The following HECA variants were observed in gnomAD, a reference collection of about 807,000 sequenced individuals.
HECA encodes HECA ribonucleoprotein granule regulator.
A neutral mutation model predicts 37.6 loss-of-function variants in HECA; 13 were observed. The observed-to-expected ratio is 0.35, with a 90% CI of 0.23 to 0.55. The LOEUF (loss-of-function observed/expected upper bound fraction) is 0.55, where lower values mean the gene tolerates loss of function less well. Among genes scored for constraint, HECA ranks in the 20% least tolerant of loss-of-function variants. The pLI is 0.90. For missense variants in HECA, 527 were observed against 701.9 expected (o/e 0.75, Z 2.82); for synonymous variants, 307 against 291.5 (o/e 1.05, Z -0.54).
In HECA at chr6:139,161,031, A is replaced by G. The variant is rs557771936; in HGVS notation, c.272-5253A>G. On this transcript the variant is annotated intron_variant, in intron 1 of 3. Coordinates refer to ENST00000367658, the MANE Select transcript of HECA (RefSeq NM_016217.3). ...CCCTGCTGCTTTTCCAGTTTGGACA[A>G]TGTGTGTGTGTGGTGTGTGTGTGTC... is the stretch of plus-strand genomic sequence containing the variant. Among the ~76,000 whole-genome samples the G allele has an allele frequency of 6.6e-5, 10 of 151,988 alleles. No homozygotes were observed. In the East Asian group the frequency reaches 1.7e-3, roughly 27 times the overall value.
chr6:139,142,722 C>T (rs182577611), intron 1 of HECA, among the ~76,000 whole-genome samples: 31 of 152,202 alleles, frequency 2.0e-4, no homozygotes, highest in Admixed American at 3.9e-4. Flanking sequence ...CCGAGACGGG[C>T]GGATCATGAG....
At chr6:139,173,111 A>G (rs954776802) in intron 2 of HECA, among the ~76,000 whole-genome samples, 15 of 152,290 alleles carry the variant, frequency 9.8e-5, no homozygotes, top group African/African-American at 2.6e-4. Context: ...ACTTCCTAAC[A>G]TGCCCCGAGG....
At chr6:139,150,571 A>G (rs977007073) in intron 1 of HECA, among the ~76,000 whole-genome samples, 1 of 150,630 alleles carries the variant, frequency 6.6e-6, no homozygotes, top group Non-Finnish European at 1.5e-5. Flanking sequence ...TTTTGGACAT[A>G]TGAGTTAGAA....
rs797002889 is a variant in HECA at position 139,179,138 on chromosome 6, TAATGCACAAAGC to T, written c.*2034_*2045del. ...ACATAGCTTTCTGCAAACTTGTCTT[TAATGCACAAAGC>T]TGTAGTGGTGAATTAACTATCTCCT... On this transcript the variant is annotated 3_prime_UTR_variant, in exon 4 of 4. Transcript: ENST00000367658. 25 of 152,366 alleles carry T rather than the reference TAATGCACAAAGC, an allele frequency of 1.6e-4. No homozygotes were observed. The highest frequency in any genetic ancestry group is 5.8e-4 in the African/African-American group (24 of 41,590). 9.4% of individuals were successfully genotyped at this position (152,366 alleles called of 1,614,324 possible). A position where few individuals can be genotyped will look rare whatever the true frequency, so the allele number is the denominator to read the frequency against.
chr6:139,178,380 T>C lies in HECA; in HGVS notation c.*1275T>C, dbSNP rs1350105497. 6.6e-6 allele frequency: 1 copy of C among 152,170 alleles called. No individual in the cohort carries two copies. The highest frequency in any genetic ancestry group is 2.4e-5 in the African/African-American group (1 of 41,448). The allele number at this position is 152,170 out of a possible 1,614,324, so 9.4% of individuals were successfully genotyped here. A position where few individuals can be genotyped will look rare whatever the true frequency, so the allele number is the denominator to read the frequency against. ...GAATTGGAATATGATTTCTCAAAAA[T>C]TAATTTGATAATTTCATGTATGATG... is the stretch of plus-strand genomic sequence containing the variant. On this transcript the variant is annotated 3_prime_UTR_variant, in exon 4 of 4. Coordinates refer to ENST00000367658, the MANE Select transcript of HECA (RefSeq NM_016217.3).
At chr6:139,169,689 T>G (rs895576326) in intron 2 of HECA, 2 of 152,246 alleles carry the variant, frequency 1.3e-5, no homozygotes, top group Non-Finnish European at 2.9e-5. Flanking sequence ...CCATGTAGTC[T>G]TTCATCTTCC....
At chr6:139,172,519 TAAG>T (rs1385467816) in intron 2 of HECA, among the ~76,000 whole-genome samples, 1 of 152,258 alleles carries the variant, frequency 6.6e-6, no homozygotes, top group Admixed American at 6.5e-5. Flanking sequence ...TTGATCTAAT[TAAG>T]AAGTTCTTAT....
In HECA at chr6:139,135,650, C is replaced by G. The variant is rs1279436964; in HGVS notation, c.254C>G (p.Ala85Gly). 1.0e-6 allele frequency: 1 copy of G among 980,902 alleles called. No individual in the cohort carries two copies. The highest frequency in any genetic ancestry group is 6.3e-5 in the Admixed American group (1 of 15,980). The allele number at this position is 980,902 out of a possible 1,614,324, so 60.8% of individuals were successfully genotyped here. ...GCGGCCGCCGCGGGGGCTGCGGCCG[C>G]GGGCGATGCCAAAAACGGTAAGACG... Reference protein sequence around the residue: ...NAAAAAGAAAAGDAKNEAPCA... With the variant: ...NAAAAAGAAAGGDAKNEAPCA... The change falls in exon 1 of 4, where the codon GCG becomes GGG. Residue 85 changes from alanine to glycine, a missense_variant. By Grantham distance (60) the Ala-to-Gly change is moderately conservative (BLOSUM62 0). Around this residue, in one of 4 missense-constraint regions of HECA, gnomAD observed 172 missense variants for 197.6 expected, o/e 0.87. Coordinates refer to ENST00000367658, the MANE Select transcript of HECA (RefSeq NM_016217.3).
At chr6:139,155,394 G>A (rs1774699434) in intron 1 of HECA, among the ~76,000 whole-genome samples, 1 of 152,136 alleles carries the variant, frequency 6.6e-6, no homozygotes, top group South Asian at 2.1e-4. Context: ...TGTAGACTTT[G>A]ATAAACACTG....
At chr6:139,174,652 G>A (rs759066516) in intron 3 of HECA, 113 bp downstream of exon 3, 43 of 1,454,910 alleles carry the variant, frequency 3.0e-5, no homozygotes, top group Non-Finnish European at 4.0e-5. Flanking sequence ...AGCAATGATG[G>A]CTGAGTTACT....
In HECA at chr6:139,167,296, C is replaced by T. The variant is rs374585437; in HGVS notation, c.1284C>T (p.Ile428=). 1.0e-5 allele frequency: 16 copies of T among 1,601,762 alleles called. No individual in the cohort carries two copies. Among genetic ancestry groups the T allele is most frequent in the Middle Eastern group, 1.7e-4 (1 of 6,020 alleles). Reference sequence around the variant, plus strand: ...TAAGCCCGTCGAGACATGATGAGATCGAATATGATGTTCCTTGTCACCTTC... The same window carrying T: ...TAAGCCCGTCGAGACATGATGAGATTGAATATGATGTTCCTTGTCACCTTC... ...LFLSPSRHDE[I]EYDVPCHLQG... Residue 428 remains isoleucine, a synonymous_variant, in exon 2 of 4, where the codon ATC becomes ATT. Transcript: ENST00000367658.
intron 1 of HECA, among the ~76,000 whole-genome samples, chr6:139,161,389 C>T (rs911881885): frequency 6.6e-6 from 1 of 152,096 alleles, no homozygotes; most frequent in Non-Finnish European, 1.5e-5. Flanking sequence ...AGTGGGGGCT[C>T]TTCATACAAG....
chr6:139,142,172 C>T (rs1379981155), intron 1 of HECA, among the ~76,000 whole-genome samples: 10 of 152,062 alleles, frequency 6.6e-5, no homozygotes, highest in Non-Finnish European at 1.2e-4. Flanking sequence ...GTGATCCACT[C>T]GCCTTGACCT....
intron 1 of HECA, chr6:139,159,349 G>T (rs17305221): frequency 6.6e-6 from 1 of 152,132 alleles, no homozygotes; most frequent in African/African-American, 2.4e-5. Flanking sequence ...GGAATAATCA[G>T]CGATCTAATA....
chr6:139,136,140 G>C (rs1269220075), intron 1 of HECA, among the ~76,000 whole-genome samples: 3 of 152,098 alleles, frequency 2.0e-5, no homozygotes, highest in Non-Finnish European at 4.4e-5. Context: ...ACCCAGGCTT[G>C]CTGCGTCGAT....
intron 1 of HECA, among the ~76,000 whole-genome samples, chr6:139,153,868 T>G (rs1163446310): frequency 1.3e-5 from 2 of 152,224 alleles, no homozygotes; most frequent in African/African-American, 4.8e-5. Flanking sequence ...ACATATAAAC[T>G]TTTAAATTTT....
At chr6:139,141,420 A>T (rs985311595) in intron 1 of HECA, among the ~76,000 whole-genome samples, 2 of 152,296 alleles carry the variant, frequency 1.3e-5, no homozygotes, top group Middle Eastern at 6.8e-3. Flanking sequence ...ATATGTCTGC[A>T]CCTTGGAAAT....
rs185157443 is a variant in HECA at position 139,173,757 on chromosome 6, A to G, written c.1313-628A>G. Among the ~76,000 whole-genome samples the G allele has an allele frequency of 3.9e-5, 6 of 152,340 alleles. No homozygotes were observed. In the East Asian group the frequency reaches 9.6e-4, roughly 24 times the overall value. The stretch of plus-strand genomic sequence containing the variant: ...TGTTATCAAATAATGGAGGGGGATC[A>G]TGTTGTAACTTTTAAGAGCTCGGTG... On this transcript the variant is annotated intron_variant, in intron 2 of 3. Coordinates refer to ENST00000367658, the MANE Select transcript of HECA (RefSeq NM_016217.3).
At position 139,135,458 on chromosome 6, in the gene HECA, A is replaced by G; in HGVS notation, c.62A>G (p.Asp21Gly). ...RKNKRANSSG[D>G]EQENGAGALA... ...AACAAGCGCGCCAACAGCAGCGGCG[A>G]CGAGCAGGAAAATGGAGCCGGGGCC... Residue 21 changes from aspartate to glycine, a missense_variant, in exon 1 of 4, where the codon GAC (aspartate) becomes GGC (glycine). This residue lies in a region of HECA where 172 missense variants were observed against 197.6 expected (regional missense o/e 0.87). Transcript: ENST00000367658. The G allele has an allele frequency of 7.5e-7, 1 of 1,335,536 alleles. No homozygotes were observed. The highest frequency in any genetic ancestry group is 9.8e-7 in the Non-Finnish European group (1 of 1,019,732). 82.7% of individuals were successfully genotyped at this position (1,335,536 alleles called of 1,614,324 possible).
Sources: allele counts gnomAD v4.1 joint callset (sites outside exome capture counted in the v4.1 genomes callset), GRCh38; gene constraint gnomAD v4.1.1; regional missense constraint gnomAD v4.1.1; transcripts MANE v1.5; gene names NCBI Gene and HGNC (gene_info 2026-07-23, HGNC 2026-07-21).